Variants in GANAB observed in about 807,000 individuals in gnomAD.
The protein encoded by GANAB is neutral alpha-glucosidase AB.
A neutral mutation model predicts 129.9 loss-of-function variants in GANAB; 35 were observed. The observed-to-expected ratio is 0.27, with a 90% confidence interval of 0.21 to 0.36. GANAB has a LOEUF of 0.36. GANAB is among the 10% of genes least tolerant of loss of function. The probability of loss-of-function intolerance (pLI) is 1.00; values close to 1 mark genes in which losing one functional copy is unlikely to be tolerated. For synonymous variants in GANAB, 482 were observed against 451.8 expected (o/e 1.07, Z -0.85); for missense variants, 939 against 1,221.0 (o/e 0.77, Z 3.44).
chr11:62,632,757 C>T lies in GANAB; in HGVS notation c.816-12G>A. ...ATGGCTCCCCACCCCTGCAGGCAAA[C>T]AGACAGACTTGGGCTGCTAACTGGC... On this transcript the variant is annotated splice_polypyrimidine_tract_variant and intron_variant, in intron 8 of 23. Coordinates refer to ENST00000356638, the MANE Select transcript of GANAB (RefSeq NM_198334.3). 2 of 1,609,718 alleles carry T rather than the reference C, an allele frequency of 1.2e-6. No individual in the cohort carries two copies. The highest frequency in any genetic ancestry group is 1.7e-6 in the Non-Finnish European group (2 of 1,176,746).
intron 1 of GANAB, among the ~76,000 whole-genome samples, chr11:62,644,119 T>C (rs1053151357): frequency 5.9e-5 from 9 of 152,162 alleles, no homozygotes; most frequent in Non-Finnish European, 1.2e-4. Context: ...TAATTTTGTA[T>C]TTTTAGTAGA....
At chr11:62,632,034 T>A (rs1943711885) in intron 9 of GANAB, among the ~76,000 whole-genome samples, 2 of 151,714 alleles carry the variant, frequency 1.3e-5, no homozygotes, top group Non-Finnish European at 2.9e-5. Flanking sequence ...AGTGCAGTGG[T>A]GAAATCTCCG....
Position 62,632,685 on chromosome 11 carries a change from T to C in GANAB, c.876A>G (p.Pro292=). 6.2e-7 allele frequency: 1 copy of C among 1,613,768 alleles called. No homozygotes were observed. Reference sequence around the variant, plus strand: ...CAGGCACAGACCCATACAAGGCCATTGGGTTGTACAGCTCATACTGGAACA... The same window carrying C: ...CAGGCACAGACCCATACAAGGCCATCGGGTTGTACAGCTCATACTGGAACA... ...LDVFQYELYN[P]MALYGSVPVL... Residue 292 remains proline (P), a synonymous_variant, in exon 9 of 24, where the codon CCA becomes CCG. Coordinates refer to ENST00000356638, the MANE Select transcript of GANAB (RefSeq NM_198334.3).
Position 62,625,909 on chromosome 11 carries a change from C to T in GANAB, c.2741G>A (p.Arg914His), listed in dbSNP as rs140322818. 1.3e-5 allele frequency: 21 copies of T among 1,612,496 alleles called. No individual in the cohort carries two copies. Among genetic ancestry groups the T allele is most frequent in the Middle Eastern group, 1.6e-4 (1 of 6,084 alleles). Residue 914 changes from arginine (R) to histidine (H), a missense_variant, in exon 24 of 24, where the codon CGC (arginine) becomes CAC (histidine). By Grantham distance (29) the Arg-to-His change is conservative (BLOSUM62 0). Around this residue, in one of 5 missense-constraint regions of GANAB, gnomAD observed 230 missense variants for 259.9 expected, o/e 0.89. Transcript: ENST00000356638. ...VLQTKGSPES[R>H]LSFQHDPETS... The stretch of plus-strand genomic sequence containing the variant: ...CTCAGGGTCATGCTGGAAGGACAGG[C>T]GGCTTTCTGGAGATCCTGGAGGAGG...
intron 1 of GANAB, 43 bp downstream of exon 1, chr11:62,646,519 C>A (rs1396597214): frequency 1.2e-6 from 2 of 1,606,446 alleles, no homozygotes; most frequent in Non-Finnish European, 1.7e-6. Context: ...CTTGGGGGAT[C>A]TGGGGGCGTC....
In GANAB at chr11:62,625,911, G is replaced by A; in HGVS notation, c.2739C>T (p.Ser913=). The change falls in exon 24 of 24, where the codon AGC becomes AGT. Residue 913 remains serine, a synonymous_variant. Transcript: ENST00000356638. ...VVLQTKGSPE[S]RLSFQHDPET... ...CAGGGTCATGCTGGAAGGACAGGCG[G>A]CTTTCTGGAGATCCTGGAGGAGGAA... 2 of 1,611,284 alleles carry A rather than the reference G, an allele frequency of 1.2e-6. No homozygotes were observed. The highest frequency in any genetic ancestry group is 1.1e-5 in the South Asian group (1 of 91,026).
At chr11:62,635,586 GAA>G (rs59735954) in intron 4 of GANAB, among the ~76,000 whole-genome samples, 1 of 151,016 alleles carries the variant, frequency 6.6e-6, no homozygotes, top group Admixed American at 6.6e-5. Flanking sequence ...TTCCATATAG[GAA>G]AAAAAATGAT....
Position 62,633,254 on chromosome 11 carries a change from C to T in GANAB, c.648G>A (p.Gly216=). 1.9e-6 allele frequency: 3 copies of T among 1,613,730 alleles called. No homozygotes were observed. The highest frequency in any genetic ancestry group is 2.5e-6 in the Non-Finnish European group (3 of 1,179,666). ...RDGDKPEETQ[G]KAEKDEPGAW... is the part of the protein sequence containing the mutation. ...CTCCTGGCTCATCTTTCTCTGCCTT[C>T]CCCTGAGTCTCCTCTGGCTGTTAAG... Residue 216 remains glycine, a synonymous_variant, in exon 7 of 24, where the codon GGG becomes GGA. Transcript: ENST00000356638.
chr11:62,645,107 C>G (rs559191099), intron 1 of GANAB, among the ~76,000 whole-genome samples: 2 of 151,994 alleles, frequency 1.3e-5, no homozygotes, highest in African/African-American at 4.8e-5. Flanking sequence ...ATAGGCCAAG[C>G]AGAATAAATG....
rs1943855325 is a variant in GANAB, at chr11:62,634,671, TCTGGTTCCTACCCTCC to T, written c.560+134_560+149del. On this transcript the variant is annotated intron_variant, in intron 5 of 23. Coordinates refer to ENST00000356638, the MANE Select transcript of GANAB (RefSeq NM_198334.3). ...GGAAATGGAAAAAACCGCACCCGGG[TCTGGTTCCTACCCTCC>T]CTGACAGAGAGCTTCTCCCAGCCCC... 7 of 683,148 alleles carry T rather than the reference TCTGGTTCCTACCCTCC, an allele frequency of 1.0e-5. No individual in the cohort carries two copies. The South Asian group carries it at 1.3e-4, about 12-fold the overall frequency. The allele number at this position is 683,148 out of a possible 1,614,324, so 42.3% of individuals were successfully genotyped here.
intron 5 of GANAB, chr11:62,634,431 A>G: frequency 8.8e-7 from 1 of 1,137,574 alleles, no homozygotes; most frequent in East Asian, 2.3e-5. Flanking sequence ...AACCAACACA[A>G]AAACAGAAAC....
At chr11:62,629,742 C>T in intron 14 of GANAB, 58 bp from the exon 15 acceptor site, 6 of 1,604,810 alleles carry the variant, frequency 3.7e-6, no homozygotes, top group Non-Finnish European at 5.1e-6. Flanking sequence ...TCATCTGGTG[C>T]AAGTTCCCTA....
intron 1 of GANAB, among the ~76,000 whole-genome samples, chr11:62,644,116 G>T (rs1944377586): frequency 6.6e-6 from 1 of 151,940 alleles, no homozygotes; most frequent in African/African-American, 2.4e-5. Context: ...GGCTAATTTT[G>T]TATTTTTAGT....
chr11:62,628,971 G>A lies in GANAB; in HGVS notation c.1978C>T (p.Leu660Phe). The A allele has an allele frequency of 6.2e-7, 1 of 1,613,854 alleles. No individual in the cohort carries two copies. The highest frequency in any genetic ancestry group is 8.5e-7 in the Non-Finnish European group (1 of 1,179,764). The stretch of plus-strand genomic sequence containing the variant: ...GCACCCATCTGGTACCAGCGCACAA[G>A]CAGCTCTGGCTCTGGGTTTTTGAAG... ...GFFKNPEPEL[L>F]VRWYQMGAYQ... is the part of the protein sequence containing the mutation. The change falls in exon 17 of 24, where the codon CTT becomes TTT. Residue 660 changes from leucine to phenylalanine, a missense_variant. By Grantham distance (22) the Leu-to-Phe change is conservative. Around this residue, in one of 5 missense-constraint regions of GANAB, gnomAD observed 147 missense variants for 282.4 expected, o/e 0.52. Coordinates refer to ENST00000356638, the MANE Select transcript of GANAB (RefSeq NM_198334.3).
rs561559830 is a variant in GANAB, at chr11:62,630,117, G to C, written c.1593+80C>G. ...GATATGTTGCAGGCAATCAACCATA[G>C]AAGGGTTGGCAAGCCGAGAGAGATT... On this transcript the variant is annotated intron_variant, in intron 13 of 23. Transcript: ENST00000356638. The C allele has an allele frequency of 1.0e-5, 14 of 1,347,494 alleles. No individual in the cohort carries two copies. The African/African-American group carries it at 2.0e-4, about 19-fold the overall frequency. 83.5% of individuals were successfully genotyped at this position (1,347,494 alleles called of 1,614,324 possible).
At chr11:62,637,182 A>G (rs760476305) in intron 4 of GANAB, among the ~76,000 whole-genome samples, 1 of 152,238 alleles carries the variant, frequency 6.6e-6, no homozygotes, top group Non-Finnish European at 1.5e-5. Flanking sequence ...CCTGGAACAG[A>G]AAAAGAACAT....
chr11:62,639,018 T>G lies in GANAB; in HGVS notation c.345A>C (p.Val115=). 3 of 1,614,092 alleles carry G rather than the reference T, an allele frequency of 1.9e-6. No homozygotes were observed. Among genetic ancestry groups the G allele is most frequent in the Non-Finnish European group, 2.5e-6 (3 of 1,179,984 alleles). Residue 115 remains valine (V), a synonymous_variant, in exon 4 of 24, where the codon GTA becomes GTC. Transcript: ENST00000356638. ...GTGGATCAGCCACCAAAACATCTGG[T>G]ACACGGTATCGGGGTCGCCGAGGCT... is the stretch of plus-strand genomic sequence containing the variant. ...ELEPRRPRYR[V]PDVLVADPPI...
At chr11:62,626,976 C>A in intron 19 of GANAB, 42 bp from the exon 20 acceptor site, 1 of 1,573,812 alleles carries the variant, frequency 6.4e-7, no homozygotes, top group Non-Finnish European at 8.7e-7. Context: ...TCACTCAGTG[C>A]ACAGGGGTCC....
chr11:62,646,391 T>A (rs1049893820), intron 1 of GANAB, among the ~76,000 whole-genome samples, 171 bp downstream of exon 1: 1 of 151,858 alleles, frequency 6.6e-6, no homozygotes, highest in African/African-American at 2.4e-5. Context: ...CCAGCGTCGC[T>A]CGGATCTACC....
Sources: allele counts gnomAD v4.1 joint callset (sites outside exome capture counted in the v4.1 genomes callset), GRCh38; gene constraint gnomAD v4.1.1; regional missense constraint gnomAD v4.1.1; transcripts MANE v1.5; gene names NCBI Gene and HGNC (gene_info 2026-07-23, HGNC 2026-07-21).